Variants in TRHDE observed in about 807,000 individuals in gnomAD.
The protein encoded by TRHDE is thyrotropin-releasing hormone-degrading ectoenzyme.
In TRHDE, 72 loss-of-function variants were observed where a neutral mutation model predicts 125.7. That is an observed-to-expected ratio of 0.57 (90% CI 0.47 to 0.70). The LOEUF (loss-of-function observed/expected upper bound fraction) is 0.70, where lower values mean the gene tolerates loss of function less well. Ranked by LOEUF, TRHDE falls within the 30% of genes least tolerant of loss-of-function variation. TRHDE has a pLI of 0.00. For synonymous variants in TRHDE, 509 were observed against 509.1 expected, an observed-to-expected ratio of 1.00 and a Z score of 0.00; for missense variants, 1,110 against 1,327.1, an observed-to-expected ratio of 0.84 and a Z score of 2.54.
chr12:72,636,638 G>A (rs1220713712), intron 15 of TRHDE, among the ~76,000 whole-genome samples: 1 of 152,174 alleles, frequency 6.6e-6, no homozygotes, highest in East Asian at 1.9e-4. Context: ...TTGGCTATGG[G>A]TCTGTCATAG....
Position 72,621,762 on chromosome 12 carries a change from C to A in TRHDE, c.2675+11C>A, listed in dbSNP as rs766607822. ...CAGCAACAGGAACAGGTAAACTGAG[C>A]CAAATCCTGTATTTCTGATATTATT... is the stretch of plus-strand genomic sequence containing the variant. On this transcript the variant is annotated intron_variant, in intron 15 of 18. Coordinates refer to ENST00000261180, the MANE Select transcript of TRHDE (RefSeq NM_013381.3). 5 of 1,565,834 alleles carry A rather than the reference C, an allele frequency of 3.2e-6. No individual in the cohort carries two copies. The highest frequency in any genetic ancestry group is 3.5e-6 in the Non-Finnish European group (4 of 1,145,606).
At chr12:72,135,206 G>A (rs531350776) in intron 2 of TRHDE, among the ~76,000 whole-genome samples, 4 of 152,130 alleles carry the variant, frequency 2.6e-5, no homozygotes, top group African/African-American at 4.8e-5. Context: ...AGGCGTAATC[G>A]GAATGACCAG....
chr12:72,619,162 A>C (rs1872944630), intron 13 of TRHDE, 124 bp downstream of exon 13: 1 of 698,270 alleles, frequency 1.4e-6, no homozygotes, highest in Non-Finnish European at 2.1e-6. Context: ...TGTTATCCCG[A>C]TTTTTGTCCT....
intron 5 of TRHDE, among the ~76,000 whole-genome samples, chr12:72,495,524 A>G (rs1044608733): frequency 7.2e-5 from 11 of 151,882 alleles, no homozygotes; most frequent in African/African-American, 2.7e-4. Context: ...CTTCTATGAA[A>G]CCTTTTCTGA....
At chr12:72,247,023 C>G (rs1489038472) in intron 2 of TRHDE, among the ~76,000 whole-genome samples, 1 of 152,130 alleles carries the variant, frequency 6.6e-6, no homozygotes, top group Non-Finnish European at 1.5e-5. Flanking sequence ...TTAGCAATTA[C>G]AGTTATTCTT....
chr12:72,627,451 G>T lies in TRHDE; in HGVS notation c.2675+5700G>T, dbSNP rs111955520. ...TCCTAGCACAGAAACTTAGAGATTG[G>T]TCATAAGAGTCTTTAAAGAAGAAAA... On this transcript the variant is annotated intron_variant, in intron 15 of 18. Coordinates refer to ENST00000261180, the MANE Select transcript of TRHDE (RefSeq NM_013381.3). 3.2e-3 allele frequency among the ~76,000 whole-genome samples: 488 copies of T among 151,914 alleles called. 1 individual carries two copies. Among genetic ancestry groups the T allele is most frequent in the Non-Finnish European group, 5.6e-3 (379 of 67,868 alleles).
intron 2 of TRHDE, among the ~76,000 whole-genome samples, chr12:72,126,151 C>G (rs1001642565): frequency 1.9e-4 from 29 of 151,678 alleles, no homozygotes; most frequent in African/African-American, 6.8e-4. Flanking sequence ...ATACATCTAA[C>G]CAAGGAGGTG....
rs2135989799 is a variant in TRHDE at position 72,544,171 on chromosome 12, T to C, written c.1788+1815T>C. ...TCATCACTCAAACTGATTTAGTGTA[T>C]CATCAGCAGTTTGGATTAGTTTACA... On this transcript the variant is annotated intron_variant, in intron 7 of 18. Coordinates refer to ENST00000261180, the MANE Select transcript of TRHDE (RefSeq NM_013381.3). Among the ~76,000 whole-genome samples the C allele has an allele frequency of 1.3e-5, 2 of 151,608 alleles. 1 individual carries two copies. Among genetic ancestry groups the C allele is most frequent in the South Asian group, 4.1e-4 (2 of 4,826 alleles).
At chr12:72,145,308 G>C (rs1876202696) in intron 2 of TRHDE, among the ~76,000 whole-genome samples, 1 of 152,008 alleles carries the variant, frequency 6.6e-6, no homozygotes, top group African/African-American at 2.4e-5. Flanking sequence ...TGTTTTGCTG[G>C]GAAGAAGGTC....
intron 2 of TRHDE, among the ~76,000 whole-genome samples, chr12:72,346,617 C>A (rs1220898836): frequency 6.6e-6 from 1 of 152,064 alleles, no homozygotes; most frequent in Admixed American, 6.6e-5. Context: ...GCATGTGCTG[C>A]AGCTGGATTT....
chr12:72,498,039 T>C (rs1204099570), intron 5 of TRHDE, among the ~76,000 whole-genome samples: 7 of 152,144 alleles, frequency 4.6e-5, no homozygotes, highest in Admixed American at 4.6e-4. Flanking sequence ...CAAAGCGTGA[T>C]TTGATTCAGT....
rs61090344 is a variant in TRHDE, at chr12:72,175,802, T to C, written n.279+70050T>C. Among the ~76,000 whole-genome samples the C allele has an allele frequency of 1.4e-4, 22 of 152,360 alleles. No individual in the cohort carries two copies. In the East Asian group the frequency reaches 3.9e-3, roughly 27 times the overall value. ...GAAGATAAGCATGCTACTATGATTC[T>C]ATGAATAACCTCAAATGGCAAGAGC... On this transcript the variant is annotated intron_variant and non_coding_transcript_variant, in intron 2 of 4. Coordinates refer to the TRHDE transcript ENST00000548156.
At chr12:72,599,486 T>C (rs1872119024) in intron 12 of TRHDE, among the ~76,000 whole-genome samples, 1 of 152,198 alleles carries the variant, frequency 6.6e-6, no homozygotes, top group Admixed American at 6.5e-5. Flanking sequence ...TGTGGGTCAT[T>C]TTTCATGTTT....
chr12:72,224,048 T>G (rs940186661), intron 2 of TRHDE, among the ~76,000 whole-genome samples: 16 of 151,822 alleles, frequency 1.1e-4, no homozygotes, highest in Admixed American at 2.0e-4. Context: ...TAGAACTAAT[T>G]ATGTATATGT....
chr12:72,577,790 G>C (rs1871063629), intron 12 of TRHDE, among the ~76,000 whole-genome samples: 1 of 151,872 alleles, frequency 6.6e-6, no homozygotes, highest in Non-Finnish European at 1.5e-5. Context: ...TTCCAATTTT[G>C]CATGCTTTCA....
chr12:72,176,996 T>C (rs1877002539), intron 2 of TRHDE, among the ~76,000 whole-genome samples: 1 of 152,056 alleles, frequency 6.6e-6, no homozygotes, highest in South Asian at 2.1e-4. Flanking sequence ...GGCAGCCCAA[T>C]AGATCATGAC....
intron 5 of TRHDE, among the ~76,000 whole-genome samples, chr12:72,474,944 A>G (rs1876821431): frequency 6.6e-6 from 1 of 152,178 alleles, no homozygotes; most frequent in Non-Finnish European, 1.5e-5. Flanking sequence ...ATGCAATTTT[A>G]CTGATATTTT....
At chr12:72,204,865 C>T (rs75278845) in intron 2 of TRHDE, among the ~76,000 whole-genome samples, 255 of 152,146 alleles carry the variant, frequency 1.7e-3, no homozygotes, top group Non-Finnish European at 2.8e-3. Context: ...CTATGTCAGG[C>T]CATGAAAAAC....
intron 2 of TRHDE, among the ~76,000 whole-genome samples, chr12:72,185,440 G>A (rs953475432): frequency 1.3e-5 from 2 of 152,274 alleles, no homozygotes; most frequent in Non-Finnish European, 2.9e-5. Flanking sequence ...AGCGCACGGC[G>A]CAGGACTGGC....
Sources: gnomAD v4.1 joint callset for allele counts (sites outside exome capture counted in the v4.1 genomes callset) on GRCh38, gnomAD v4.1.1 for gene constraint, MANE v1.5 for transcripts, NCBI Gene and HGNC (gene_info 2026-07-23, HGNC 2026-07-21) for gene names.